Variants in SGCZ observed in about 807,000 individuals in gnomAD.
SGCZ encodes the protein sarcoglycan zeta, also known as zeta-sarcoglycan.
SGCZ carries 40 observed loss-of-function variants against 41.3 expected under a neutral mutation model. The ratio of observed to expected loss-of-function variants is 0.97; its 90% confidence interval spans 0.75 to 1.26. The LOEUF (loss-of-function observed/expected upper bound fraction) is 1.26, where lower values mean the gene tolerates loss of function less well. SGCZ is among the 50% of genes most tolerant of loss of function. The pLI is 0.00. For synonymous variants in SGCZ, 206 were observed against 137.5 expected (o/e 1.50, Z -3.49); for missense variants, 552 against 369.8 (o/e 1.49, Z -4.04).
chr8:14,471,163 A>G (rs1377287944), intron 2 of SGCZ, among the ~76,000 whole-genome samples: 1 of 152,182 alleles, frequency 6.6e-6, no homozygotes, highest in African/African-American at 2.4e-5. Context: ...TAAATGTAAC[A>G]TTGACTAAAG....
At chr8:14,624,640 G>A (rs910359255) in intron 1 of SGCZ, among the ~76,000 whole-genome samples, 3 of 136,148 alleles carry the variant, frequency 2.2e-5, no homozygotes, top group Non-Finnish European at 3.0e-5. Context: ...GTGTGATCTC[G>A]GCTCACTGAA....
chr8:15,135,982 C>T (rs899091146), intron 1 of SGCZ, among the ~76,000 whole-genome samples: 6 of 152,222 alleles, frequency 3.9e-5, no homozygotes, highest in South Asian at 4.2e-4. Context: ...TTTTAAAAAA[C>T]GGTGGTAACT....
At chr8:14,326,111 C>CAAAAAACAAAAAAAAAAAA in intron 2 of SGCZ, among the ~76,000 whole-genome samples, 1 of 37,904 alleles carries the variant, frequency 2.6e-5, no homozygotes, top group African/African-American at 1.0e-4. Flanking sequence ...GACTCCGTCT[C>CAAAAAACAAAAAAAAAAAA]AAAAAAAAAA....
At chr8:14,430,185 C>A (rs62499687) in intron 2 of SGCZ, among the ~76,000 whole-genome samples, 30,717 of 152,006 alleles carry the variant, frequency 0.2, 3,685 homozygotes, top group Non-Finnish European at 0.28. Context: ...ATCCTCCCTA[C>A]ATCATTCTAT....
At chr8:14,803,084 C>T (rs1265615653) in intron 1 of SGCZ, among the ~76,000 whole-genome samples, 1 of 152,158 alleles carries the variant, frequency 6.6e-6, no homozygotes, top group Non-Finnish European at 1.5e-5. Flanking sequence ...ATTTTACCAC[C>T]CATGGGGCCT....
intron 5 of SGCZ, among the ~76,000 whole-genome samples, chr8:14,139,566 C>T (rs1373909386): frequency 6.6e-6 from 1 of 152,036 alleles, no homozygotes; most frequent in Non-Finnish European, 1.5e-5. Context: ...AACACCTCTA[C>T]ACAAATAAAC....
chr8:15,095,065 C>G (rs191675155), intron 1 of SGCZ, among the ~76,000 whole-genome samples: 10 of 152,276 alleles, frequency 6.6e-5, no homozygotes, highest in African/African-American at 1.9e-4. Context: ...TTTAATGCTT[C>G]TATGTTGACT....
chr8:14,541,600 A>G (rs1803470722), intron 2 of SGCZ, among the ~76,000 whole-genome samples: 2 of 152,242 alleles, frequency 1.3e-5, no homozygotes, highest in South Asian at 2.1e-4. Context: ...ATATGTGTAC[A>G]TGTGTCTTTA....
chr8:15,083,602 C>G (rs2124027), intron 1 of SGCZ, among the ~76,000 whole-genome samples: 28,630 of 151,866 alleles, frequency 0.19, 3,645 homozygotes, highest in African/African-American at 0.36. Context: ...AGGCTGGAGT[C>G]CAGTGGTTCT....
chr8:14,378,414 C>A (rs1379431833), intron 2 of SGCZ, among the ~76,000 whole-genome samples: 2 of 152,108 alleles, frequency 1.3e-5, no homozygotes, highest in Non-Finnish European at 2.9e-5. Flanking sequence ...GCAACAAAAG[C>A]CACAATTGAC....
intron 1 of SGCZ, among the ~76,000 whole-genome samples, chr8:14,952,169 T>A (rs921862955): frequency 9.2e-5 from 14 of 152,162 alleles, no homozygotes; most frequent in Non-Finnish European, 1.9e-4. Context: ...TTTTCATAAA[T>A]CCGAGTTACT....
chr8:14,192,930 G>A (rs1005162429), intron 4 of SGCZ, among the ~76,000 whole-genome samples: 48 of 152,086 alleles, frequency 3.2e-4, no homozygotes, highest in African/African-American at 1.1e-3. Flanking sequence ...GTACATGTCC[G>A]TGTATATTCA....
At chr8:14,289,852 G>A (rs1239994563) in intron 3 of SGCZ, among the ~76,000 whole-genome samples, 2 of 151,862 alleles carry the variant, frequency 1.3e-5, no homozygotes, top group African/African-American at 4.8e-5. Flanking sequence ...AGAAAAAGAG[G>A]TTTAATTGAC....
rs57898016 is a variant in SGCZ, at chr8:14,493,359, C to CTTTTTTTTTTTTTTTTTTTTT, written c.234+61352_234+61372dup. On this transcript the variant is annotated intron_variant, in intron 2 of 7. Transcript: ENST00000382080. ...CATACTTTTCCCACTATCATCCTTT[C>CTTTTTTTTTTTTTTTTTTTTT]TTTTTTTTTTTTTTTTTTTTTTTTT... is the stretch of plus-strand genomic sequence containing the variant. 1.4e-3 allele frequency among the ~76,000 whole-genome samples: 62 copies of CTTTTTTTTTTTTTTTTTTTTT among 44,278 alleles called. 11 individuals carry two copies. Among genetic ancestry groups the CTTTTTTTTTTTTTTTTTTTTT allele is most frequent in the African/African-American group, 2.8e-3 (37 of 13,256 alleles). 29.0% of individuals were successfully genotyped at this position (44,278 alleles called of 152,430 possible).
intron 5 of SGCZ, among the ~76,000 whole-genome samples, chr8:14,114,682 C>G (rs996557545): frequency 2.6e-5 from 4 of 151,852 alleles, no homozygotes; most frequent in African/African-American, 9.7e-5. Context: ...TAAAATAAAG[C>G]TATTTTCTTC....
chr8:15,040,540 C>T (rs571258688), intron 1 of SGCZ, among the ~76,000 whole-genome samples: 1 of 152,162 alleles, frequency 6.6e-6, no homozygotes, highest in African/African-American at 2.4e-5. Context: ...TCGCTTGTAA[C>T]CGGGAGGCGG....
intron 1 of SGCZ, among the ~76,000 whole-genome samples, chr8:15,053,470 A>G (rs548979314): frequency 7.9e-5 from 12 of 152,214 alleles, no homozygotes; most frequent in African/African-American, 2.6e-4. Context: ...CTAACCTGCA[A>G]TCCTGGTCCT....
chr8:15,165,205 T>G (rs952363910), intron 1 of SGCZ, among the ~76,000 whole-genome samples: 2 of 152,082 alleles, frequency 1.3e-5, no homozygotes, highest in African/African-American at 4.8e-5. Context: ...CAGAAATGCA[T>G]GAACCCGGGA....
chr8:14,188,139 T>C (rs765416341), intron 4 of SGCZ, among the ~76,000 whole-genome samples: 7 of 152,256 alleles, frequency 4.6e-5, no homozygotes, highest in African/African-American at 7.2e-5. Context: ...CAGATAAAGA[T>C]TGAGCAAATG....
Sources: allele counts gnomAD v4.1 joint callset (sites outside exome capture counted in the v4.1 genomes callset), GRCh38; gene constraint gnomAD v4.1.1; transcripts MANE v1.5; gene names NCBI Gene and HGNC (gene_info 2026-07-23, HGNC 2026-07-21).